The following PDE4D variants were observed in gnomAD, a reference collection of about 807,000 sequenced individuals.
PDE4D encodes 3',5'-cyclic-AMP phosphodiesterase 4D.
Under a neutral mutation model 87.4 loss-of-function variants are expected in PDE4D, and 24 were observed. That is an observed-to-expected ratio of 0.27 (90% CI 0.20 to 0.39). The LOEUF is 0.39. PDE4D is among the 10% of genes least tolerant of loss of function. PDE4D has a pLI of 1.00. For synonymous variants in PDE4D, 384 were observed against 383.2 expected, an observed-to-expected ratio of 1.00 and a Z score of -0.02; for missense variants, 714 against 1,041.0, an observed-to-expected ratio of 0.69 and a Z score of 4.32.
At chr5:59,671,435 T>G (rs575132582) in intron 1 of PDE4D, among the ~76,000 whole-genome samples, 6 of 151,728 alleles carry the variant, frequency 4.0e-5, no homozygotes, top group African/African-American at 1.5e-4. Flanking sequence ...CATATAGGAG[T>G]TAATAAAGAA....
intron 1 of PDE4D, among the ~76,000 whole-genome samples, chr5:59,282,794 T>C (rs1766111516): frequency 6.6e-6 from 1 of 152,180 alleles, no homozygotes; most frequent in African/African-American, 2.4e-5. Context: ...TCAGGACCTT[T>C]AAATTTACAT....
chr5:59,289,299 A>C (rs1359942444), intron 1 of PDE4D, among the ~76,000 whole-genome samples: 1 of 152,092 alleles, frequency 6.6e-6, no homozygotes, highest in Non-Finnish European at 1.5e-5. Flanking sequence ...AATGAGTTAC[A>C]ATATATTATT....
intron 1 of PDE4D, among the ~76,000 whole-genome samples, chr5:60,353,750 T>C (rs1234023658): frequency 6.6e-6 from 1 of 152,200 alleles, no homozygotes; most frequent in African/African-American, 2.4e-5. Context: ...AGTTTACTTT[T>C]AATGTGTCAT....
chr5:59,124,389 C>T (rs1262494651), intron 5 of PDE4D, among the ~76,000 whole-genome samples: 1 of 152,196 alleles, frequency 6.6e-6, no homozygotes. Flanking sequence ...ACCATATTCT[C>T]TTGCTCCTCC....
At chr5:60,177,873 G>A (rs17449877) in intron 2 of PDE4D, among the ~76,000 whole-genome samples, 13,155 of 152,168 alleles carry the variant, frequency 0.086, 624 homozygotes, top group South Asian at 0.16. Context: ...AATGAATGAC[G>A]TGTATTACTG....
intron 1 of PDE4D, chr5:59,703,503 CA>C: frequency 1.9e-6 from 1 of 519,406 alleles, no homozygotes; most frequent in East Asian, 5.5e-5. Flanking sequence ...GATGATAATT[CA>C]AAAAGGCACC....
chr5:59,146,278 C>T (rs564323844), intron 5 of PDE4D, among the ~76,000 whole-genome samples: 2 of 152,218 alleles, frequency 1.3e-5, no homozygotes, highest in Non-Finnish European at 2.9e-5. Context: ...AGATTCAACC[C>T]TTCCTATGTT....
At chr5:59,756,963 A>G (rs764293838) in intron 1 of PDE4D, among the ~76,000 whole-genome samples, 32 of 151,886 alleles carry the variant, frequency 2.1e-4, no homozygotes, top group Admixed American at 1.6e-3. Flanking sequence ...ATGCCCAGCT[A>G]ATTTTTATAT....
At chr5:59,587,324 T>C in intron 1 of PDE4D, 1 of 516,074 alleles carries the variant, frequency 1.9e-6, no homozygotes, top group Non-Finnish European at 2.5e-6. Flanking sequence ...CCCCGATGTC[T>C]TTCTTTTCTT....
At chr5:60,449,903 G>GA (rs59103648) in intron 1 of PDE4D, among the ~76,000 whole-genome samples, 23,729 of 148,634 alleles carry the variant, frequency 0.16, 2,783 homozygotes, top group African/African-American at 0.33. Context: ...TAAATAAAAA[G>GA]AAAAAAAAAG....
chr5:59,775,447 T>C (rs990678936), intron 1 of PDE4D, among the ~76,000 whole-genome samples: 3 of 152,290 alleles, frequency 2.0e-5, no homozygotes, highest in Middle Eastern at 3.4e-3. Flanking sequence ...ATCATTACAA[T>C]CATTCTAACA....
chr5:59,395,542 T>C (rs1292352089), intron 1 of PDE4D, among the ~76,000 whole-genome samples: 4 of 151,396 alleles, frequency 2.6e-5, no homozygotes, highest in Non-Finnish European at 5.9e-5. Context: ...GAAGGAAAAC[T>C]AACAAACAGA....
intron 2 of PDE4D, among the ~76,000 whole-genome samples, chr5:60,154,162 C>T (rs1236437397): frequency 1.2e-4 from 18 of 151,988 alleles, no homozygotes; most frequent in Admixed American, 1.1e-3. Context: ...TACTGCTTCC[C>T]ATGGCATCAT....
At chr5:59,352,796 G>T (rs527790533) in intron 1 of PDE4D, among the ~76,000 whole-genome samples, 1 of 152,174 alleles carries the variant, frequency 6.6e-6, no homozygotes, top group Admixed American at 6.5e-5. Context: ...TCCTTCTACT[G>T]TTCAGTCTAT....
intron 2 of PDE4D, among the ~76,000 whole-genome samples, chr5:60,163,046 C>T (rs1465003295): frequency 6.6e-6 from 1 of 152,110 alleles, no homozygotes; most frequent in African/African-American, 2.4e-5. Context: ...TATCAAATAA[C>T]AGCTGTACCA....
chr5:59,161,604 A>T (rs1206723323), intron 5 of PDE4D, among the ~76,000 whole-genome samples: 1 of 152,184 alleles, frequency 6.6e-6, no homozygotes, highest in African/African-American at 2.4e-5. Context: ...AAAATAAGGC[A>T]TGTCTGACTT....
chr5:60,424,793 C>T (rs1743524830), intron 1 of PDE4D, among the ~76,000 whole-genome samples: 1 of 152,188 alleles, frequency 6.6e-6, no homozygotes, highest in African/African-American at 2.4e-5. Flanking sequence ...CCCATCATCT[C>T]AGCCCAAAAT....
intron 1 of PDE4D, among the ~76,000 whole-genome samples, chr5:59,867,231 A>G (rs1215944485): frequency 4.6e-5 from 7 of 152,166 alleles, no homozygotes; most frequent in African/African-American, 1.7e-4. Flanking sequence ...TTCAAGAGTC[A>G]CTTCTATGAC....
rs115478483 is a variant in PDE4D at position 59,544,537 on chromosome 5, A to G, written c.456-328569T>C. ...TGATGAGAAACAGTCTTTGCCGTCT[A>G]TAACACAAAAGGAAAAGGACAAAAT... On this transcript the variant is annotated intron_variant, in intron 1 of 14. Coordinates refer to ENST00000340635, the MANE Select transcript of PDE4D (RefSeq NM_001104631.2). Among the ~76,000 whole-genome samples the G allele has an allele frequency of 1.6e-3, 244 of 152,346 alleles. 2 individuals carry two copies. The highest frequency in any genetic ancestry group is 5.6e-3 in the African/African-American group (233 of 41,598).
Sources: gnomAD v4.1 joint callset for allele counts (sites outside exome capture counted in the v4.1 genomes callset) on GRCh38, gnomAD v4.1.1 for gene constraint, MANE v1.5 for transcripts, NCBI Gene and HGNC (gene_info 2026-07-23, HGNC 2026-07-21) for gene names.